The following KLHL36 variants were observed in gnomAD, a reference collection of about 807,000 sequenced individuals.
KLHL36 encodes kelch like family member 36.
In KLHL36, 35 loss-of-function variants were observed where a neutral mutation model predicts 53.3. That is an observed-to-expected ratio of 0.66 (90% CI 0.50 to 0.87). KLHL36 has a LOEUF of 0.87. Among genes scored for constraint, KLHL36 ranks in the 40% least tolerant of loss-of-function variants. The pLI is 0.00. For synonymous variants in KLHL36, 472 were observed against 398.9 expected (o/e 1.18, Z -2.18); for missense variants, 864 against 897.6 (o/e 0.96, Z 0.48).
At chr16:84,653,758 T>A (rs1017640434) in intron 2 of KLHL36, among the ~76,000 whole-genome samples, 3 of 147,216 alleles carry the variant, frequency 2.0e-5, no homozygotes, top group African/African-American at 7.6e-5. Context: ...GAGAATCGCC[T>A]GAACCTGGGA....
chr16:84,659,677 G>A (rs1907429380), intron 3 of KLHL36, 83 bp from the exon 4 acceptor site: 2 of 1,397,076 alleles, frequency 1.4e-6, no homozygotes, highest in African/African-American at 2.8e-5. Flanking sequence ...GCATTCCGCA[G>A]ACACATTTGG....
At chr16:84,652,293 C>T (rs1440099138) in intron 2 of KLHL36, among the ~76,000 whole-genome samples, 1 of 150,638 alleles carries the variant, frequency 6.6e-6, no homozygotes, top group African/African-American at 2.4e-5. Flanking sequence ...TTTTTCGAGA[C>T]AGGGTCTTGC....
intron 3 of KLHL36, 29 bp downstream of exon 3, chr16:84,657,973 C>A: frequency 6.9e-7 from 1 of 1,441,198 alleles, no homozygotes; most frequent in Non-Finnish European, 9.2e-7. Flanking sequence ...TATTTCTTTT[C>A]TCTTGAGGAC....
In KLHL36 at chr16:84,660,892, G is replaced by T. The variant is rs570946692; in HGVS notation, c.1296-686G>T. Among the ~76,000 whole-genome samples, 54 of 152,282 alleles carry T rather than the reference G, an allele frequency of 3.5e-4. No homozygotes were observed. In the East Asian group the frequency reaches 0.01, roughly 29 times the overall value. On this transcript the variant is annotated intron_variant, in intron 4 of 4. Transcript: ENST00000564996. ...CCACCTCACCCTCACAAAGTGCTGG[G>T]ATTACAGGCATGAGCCACTGCACCT...
intron 1 of KLHL36, among the ~76,000 whole-genome samples, chr16:84,650,509 A>C (rs1906799504): frequency 6.6e-6 from 1 of 152,106 alleles, no homozygotes; most frequent in South Asian, 2.1e-4. Flanking sequence ...CACTTAAGTC[A>C]CTTAGCTTGG....
rs971331746 is a variant in KLHL36, at chr16:84,650,746, G to A, written c.-16-106G>A. The A allele has an allele frequency of 4.3e-5, 33 of 768,190 alleles. No individual in the cohort carries two copies. In the Admixed American group the frequency reaches 5.7e-4, roughly 13 times the overall value. The allele number at this position is 768,190 out of a possible 1,614,324, so 47.6% of individuals were successfully genotyped here. A position where few individuals can be genotyped will look rare whatever the true frequency, so the allele number is the denominator to read the frequency against. ...ACGGTCCTCCCTCCCTCCTTCTTCC[G>A]TGTGACTGTTTTCACTGTCATCCTT... is the stretch of plus-strand genomic sequence containing the variant. On this transcript the variant is annotated intron_variant, in intron 1 of 4. Transcript: ENST00000564996.
At position 84,661,654 on chromosome 16, in the gene KLHL36, C is replaced by T. The variant is rs1907556910; in HGVS notation, c.1372C>T (p.Pro458Ser). The T allele has an allele frequency of 6.2e-7, 1 of 1,612,214 alleles. No homozygotes were observed. The highest frequency in any genetic ancestry group is 8.5e-7 in the Non-Finnish European group (1 of 1,179,320). The change falls in exon 5 of 5, where the codon CCC (proline) becomes TCC (serine). Residue 458 changes from proline (P) to serine (S), a missense_variant. Pro to Ser is a moderately conservative substitution (Grantham distance 74). Transcript: ENST00000564996. This position sits in a 1 kb window ranked among gnomAD's most constrained non-coding sequence, Gnocchi z 7.9. ...ISGGHDYQIG[P>S]YRKNLLCYDH... Reference sequence around the variant, plus strand: ...GGGGGGCCACGACTACCAAATTGGCCCCTACCGCAAGAACCTGCTATGCTA... The same window carrying T: ...GGGGGGCCACGACTACCAAATTGGCTCCTACCGCAAGAACCTGCTATGCTA...
chr16:84,650,311 G>A (rs1299302210), intron 1 of KLHL36, among the ~76,000 whole-genome samples: 1 of 152,036 alleles, frequency 6.6e-6, no homozygotes, highest in East Asian at 1.9e-4. Context: ...TGATACTCTC[G>A]AACCCGGGCC....
At chr16:84,649,544 C>T (rs1053589306) in intron 1 of KLHL36, among the ~76,000 whole-genome samples, 1 of 151,954 alleles carries the variant, frequency 6.6e-6, no homozygotes, top group Admixed American at 6.5e-5. Context: ...ACCGCACCAA[C>T]GCTGGGTTTC....
At chr16:84,655,800 A>G (rs1047439585) in intron 2 of KLHL36, among the ~76,000 whole-genome samples, 8 of 152,100 alleles carry the variant, frequency 5.3e-5, no homozygotes, top group African/African-American at 7.2e-5. Flanking sequence ...TCTTCAGGCT[A>G]GTGCCCAGCC....
intron 4 of KLHL36, among the ~76,000 whole-genome samples, chr16:84,660,309 C>T (rs1293562296): frequency 6.6e-6 from 1 of 152,146 alleles, no homozygotes; most frequent in Non-Finnish European, 1.5e-5. Context: ...TTTAGTTCCT[C>T]ATCTGTAGAG....
Position 84,657,082 on chromosome 16 carries a change from C to T in KLHL36, c.275C>T (p.Ala92Val). 1.2e-6 allele frequency: 2 copies of T among 1,614,188 alleles called. No homozygotes were observed. Among genetic ancestry groups the T allele is most frequent in the South Asian group, 1.1e-5 (1 of 91,074 alleles). The change falls in exon 3 of 5, where the codon GCC becomes GTC. Residue 92 changes from alanine (A) to valine (V), a missense_variant. Physicochemically the swap from Ala to Val is moderately conservative, Grantham distance 64. Coordinates refer to ENST00000564996, the MANE Select transcript of KLHL36 (RefSeq NM_024731.4). ...AFQKEVELIGASYIGLKAVVD... is the reference protein window; with the variant it reads ...AFQKEVELIGVSYIGLKAVVD... ...CAGAAGGAGGTGGAGCTGATCGGCGCCTCCTACATTGGGCTCAAGGCCGTG... is the reference window on the plus strand; with the variant it reads ...CAGAAGGAGGTGGAGCTGATCGGCGTCTCCTACATTGGGCTCAAGGCCGTG...
chr16:84,654,765 C>CACA (rs1490902848), intron 2 of KLHL36, among the ~76,000 whole-genome samples: 8 of 152,284 alleles, frequency 5.3e-5, no homozygotes, highest in African/African-American at 1.9e-4. Context: ...CGCCCGCCAC[C>CACA]ACAACCAGCT....
chr16:84,655,957 A>G (rs1907176120), intron 2 of KLHL36, among the ~76,000 whole-genome samples: 2 of 151,038 alleles, frequency 1.3e-5, no homozygotes, highest in South Asian at 2.1e-4. Flanking sequence ...CAGTGGCACA[A>G]TCATGGCTCA....
At position 84,657,918 on chromosome 16, in the gene KLHL36, G is replaced by T; in HGVS notation, c.1111G>T (p.Asp371Tyr). The change falls in exon 3 of 5, where the codon GAC (aspartate) becomes TAC (tyrosine). Residue 371 changes from aspartate (D) to tyrosine (Y), a missense_variant. Asp to Tyr is a radical substitution (Grantham distance 160). Coordinates refer to ENST00000564996, the MANE Select transcript of KLHL36 (RefSeq NM_024731.4). ...GGCCTCCAATCTTCTTTATAGGTAT[G>T]ACCCCCGCTGTAAACAGTGGATCAA... Reference protein sequence around the residue: ...DAASNLLYRYDPRCKQWIKVA... With the variant: ...DAASNLLYRYYPRCKQWIKVA... The T allele has an allele frequency of 6.5e-7, 1 of 1,529,402 alleles. No homozygotes were observed. Among genetic ancestry groups the T allele is most frequent in the South Asian group, 1.3e-5 (1 of 77,820 alleles). 94.7% of individuals were successfully genotyped at this position (1,529,402 alleles called of 1,614,324 possible). A position where few individuals can be genotyped will look rare whatever the true frequency, so the allele number is the denominator to read the frequency against.
intron 3 of KLHL36, chr16:84,658,820 T>A (rs1299470315): frequency 6.6e-6 from 1 of 152,108 alleles, no homozygotes; most frequent in Non-Finnish European, 1.5e-5. Flanking sequence ...CCAGTCAGAA[T>A]GGACTCCAGC....
In KLHL36 at chr16:84,661,987, G is replaced by A. The variant is rs768864541; in HGVS notation, c.1705G>A (p.Asp569Asn). The change falls in exon 5 of 5, where the codon GAC (aspartate) becomes AAC (asparagine). Residue 569 changes from aspartate (D) to asparagine (N), a missense_variant. Coordinates refer to ENST00000564996, the MANE Select transcript of KLHL36 (RefSeq NM_024731.4). The surrounding 1 kb of genome is among the most constrained non-coding windows in gnomAD (Gnocchi z 7.9). ...CTTCTCCAAGACCGTGCAGGTGTAC[G>A]ACCGCGAGGCCGACAAGTGGAGCAG... is the stretch of plus-strand genomic sequence containing the variant. The part of the protein sequence containing the change: ...TAFSKTVQVY[D>N]READKWSRGV... The A allele has an allele frequency of 3.8e-6, 6 of 1,596,230 alleles. No homozygotes were observed. The highest frequency in any genetic ancestry group is 1.8e-5 in the Admixed American group (1 of 56,202).
chr16:84,657,135 G>T lies in KLHL36; in HGVS notation c.328G>T (p.Val110Leu). 1.2e-6 allele frequency: 2 copies of T among 1,614,166 alleles called. No homozygotes were observed. Among genetic ancestry groups the T allele is most frequent in the Non-Finnish European group, 1.7e-6 (2 of 1,180,042 alleles). The change falls in exon 3 of 5, where the codon GTG becomes TTG. Residue 110 changes from valine to leucine, a missense_variant. By Grantham distance (32) the Val-to-Leu change is conservative. Coordinates refer to ENST00000564996, the MANE Select transcript of KLHL36 (RefSeq NM_024731.4). ...GGACTTCCTGTACGGCGGGGAGCTG[G>T]TGCTGGATGGCGGCAACATTGACTA... is the stretch of plus-strand genomic sequence containing the variant. ...VVDFLYGGEL[V>L]LDGGNIDYVL...
rs1907566959 is a variant in KLHL36, at chr16:84,661,794, C to T, written c.1512C>T (p.Asn504=). Residue 504 remains asparagine (N), a synonymous_variant, in exon 5 of 5, where the codon AAC becomes AAT. Transcript: ENST00000564996. The surrounding 1 kb of genome is among the most constrained non-coding windows in gnomAD (Gnocchi z 7.9). ...SIYSIGGSDD[N]IESMERFDVL... is the part of the protein sequence containing the mutation. Reference sequence around the variant, plus strand: ...ACTCCATCGGGGGCAGCGATGACAACATCGAGTCCATGGAGCGCTTCGACG... The same window carrying T: ...ACTCCATCGGGGGCAGCGATGACAATATCGAGTCCATGGAGCGCTTCGACG... The T allele has an allele frequency of 6.2e-7, 1 of 1,612,184 alleles. No individual in the cohort carries two copies. The highest frequency in any genetic ancestry group is 1.1e-5 in the South Asian group (1 of 91,022).
Sources: gnomAD v4.1 joint callset for allele counts (sites outside exome capture counted in the v4.1 genomes callset) on GRCh38, gnomAD v4.1.1 for gene constraint, Gnocchi (gnomAD v3.1) non-coding constraint, MANE v1.5 for transcripts, NCBI Gene and HGNC (gene_info 2026-07-23, HGNC 2026-07-21) for gene names.